ADGRV1: variants seen among roughly 807,000 people sequenced by gnomAD.
ADGRV1 encodes the protein G-protein coupled receptor 98.
A neutral mutation model predicts 596.2 loss-of-function variants in ADGRV1; 359 were observed. That is an observed-to-expected ratio of 0.60 (90% CI 0.55 to 0.66). The LOEUF (loss-of-function observed/expected upper bound fraction) is 0.66. ADGRV1 is among the 30% of genes least tolerant of loss of function. The pLI, the probability that ADGRV1 is intolerant of heterozygous loss-of-function variation, is 0.00. For synonymous variants in ADGRV1, 2,681 were observed against 2,679.2 expected (o/e 1.00, Z -0.02); for missense variants, 7,274 against 7,575.6 (o/e 0.96, Z 1.48).
rs749665592 is a variant in ADGRV1 at position 90,823,474 on chromosome 5, G to T, written c.16246G>T (p.Val5416Phe). Residue 5416 changes from valine (V) to phenylalanine (F), a missense_variant, in exon 76 of 90, where the codon GTC becomes TTC. This residue lies in a region of ADGRV1 where 1,874 missense variants were observed against 1,970.2 expected (regional missense o/e 0.95). Coordinates refer to ENST00000405460, the MANE Select transcript of ADGRV1 (RefSeq NM_032119.4). ...VFWRVTLNKT[V>F]VVLQKDGVNL... The stretch of plus-strand genomic sequence containing the variant: ...TTGGCGAGTCACACTTAACAAAACA[G>T]TCGTCGTGCTCCAGAAGGATGGGGT... The T allele has an allele frequency of 6.2e-6, 10 of 1,613,942 alleles. No individual in the cohort carries two copies. The highest frequency in any genetic ancestry group is 3.3e-4 in the Middle Eastern group (2 of 6,060).
intron 79 of ADGRV1, among the ~76,000 whole-genome samples, chr5:90,849,465 C>T (rs1021993743): frequency 6.6e-6 from 1 of 152,160 alleles, no homozygotes; most frequent in African/African-American, 2.4e-5. Context: ...TCTCGGCTCA[C>T]TTCAACCTCC....
At position 90,759,407 on chromosome 5, in the gene ADGRV1, A is replaced by G; in HGVS notation, c.11941-2A>G. ...TTCTCCCTTCCTTCCTTTCTTTCATAGGTTACTGCAATGATAGAAATCACC... is the reference window on the plus strand; with the variant it reads ...TTCTCCCTTCCTTCCTTTCTTTCATGGGTTACTGCAATGATAGAAATCACC... On this transcript the variant is annotated splice_acceptor_variant, in intron 57 of 89. Coordinates refer to ENST00000405460, the MANE Select transcript of ADGRV1 (RefSeq NM_032119.4). LOFTEE classifies it high-confidence loss of function. 1 of 1,542,600 alleles carries G rather than the reference A, an allele frequency of 6.5e-7. No individual in the cohort carries two copies. The highest frequency in any genetic ancestry group is 8.8e-7 in the Non-Finnish European group (1 of 1,137,798).
intron 83 of ADGRV1, among the ~76,000 whole-genome samples, chr5:90,897,184 T>G (rs998570484): frequency 6.6e-6 from 1 of 152,238 alleles, no homozygotes; most frequent in South Asian, 2.1e-4. Flanking sequence ...GTTTAGCACA[T>G]TGAATATATA....
intron 1 of ADGRV1, among the ~76,000 whole-genome samples, chr5:90,560,451 G>A (rs1294669271): frequency 6.6e-6 from 1 of 152,026 alleles, no homozygotes; most frequent in East Asian, 1.9e-4. Context: ...TTGAATAGTA[G>A]TATATCCCAA....
At chr5:90,767,902 G>A (rs115958704) in intron 59 of ADGRV1, among the ~76,000 whole-genome samples, 147 of 152,202 alleles carry the variant, frequency 9.7e-4, no homozygotes, top group African/African-American at 3.4e-3. Context: ...AATATCATCC[G>A]TTTACTTCTC....
intron 83 of ADGRV1, among the ~76,000 whole-genome samples, chr5:90,961,721 C>T (rs1161885642): frequency 6.6e-6 from 1 of 152,058 alleles, no homozygotes; most frequent in African/African-American, 2.4e-5. Flanking sequence ...TCTTCATTTC[C>T]TTCGTTGGCT....
At position 90,784,440 on chromosome 5, in the gene ADGRV1, A is replaced by T. The variant is rs117969193; in HGVS notation, c.13653+383A>T. Among the ~76,000 whole-genome samples, 4 of 152,338 alleles carry T rather than the reference A, an allele frequency of 2.6e-5. No individual in the cohort carries two copies. In the East Asian group the frequency reaches 7.7e-4, roughly 29 times the overall value. ...TATTAAGCAGAGCTGAGCAATAAAC[A>T]ACTAAAAATAAATTGATCTGATAAC... On this transcript the variant is annotated intron_variant, in intron 67 of 89. Coordinates refer to ENST00000405460, the MANE Select transcript of ADGRV1 (RefSeq NM_032119.4).
intron 73 of ADGRV1, among the ~76,000 whole-genome samples, chr5:90,808,778 C>G (rs1327847047): frequency 6.6e-6 from 1 of 152,034 alleles, no homozygotes; most frequent in Non-Finnish European, 1.5e-5. Context: ...TGCCTGTAGT[C>G]CCAGCTACTT....
intron 87 of ADGRV1, among the ~76,000 whole-genome samples, chr5:91,147,972 C>A (rs1795697746): frequency 6.6e-6 from 1 of 152,152 alleles, no homozygotes; most frequent in Non-Finnish European, 1.5e-5. Context: ...TTGTTGGGAA[C>A]TGGAGTAAAG....
At chr5:90,800,642 C>A (rs1411462425) in intron 70 of ADGRV1, among the ~76,000 whole-genome samples, 1 of 152,112 alleles carries the variant, frequency 6.6e-6, no homozygotes, top group Non-Finnish European at 1.5e-5. Flanking sequence ...TATTGTGGAA[C>A]TATTCACAAT....
intron 1 of ADGRV1, among the ~76,000 whole-genome samples, chr5:90,581,639 C>A (rs1758071670): frequency 6.6e-6 from 1 of 152,172 alleles, no homozygotes; most frequent in Admixed American, 6.5e-5. Context: ...GGGCACCTGC[C>A]TGTATGAGGT....
chr5:90,812,738 T>C (rs1762548559), intron 74 of ADGRV1, among the ~76,000 whole-genome samples: 1 of 152,194 alleles, frequency 6.6e-6, no homozygotes, highest in Non-Finnish European at 1.5e-5. Context: ...TTCCTGTTTC[T>C]ACAGTTTATG....
intron 83 of ADGRV1, among the ~76,000 whole-genome samples, chr5:90,953,302 C>CTAT (rs1777203925): frequency 6.6e-6 from 1 of 152,086 alleles, no homozygotes; most frequent in Admixed American, 6.6e-5. Flanking sequence ...CATTATAAGA[C>CTAT]TATTATAGGG....
chr5:91,108,514 G>A (rs892668113), intron 87 of ADGRV1, among the ~76,000 whole-genome samples: 11 of 152,114 alleles, frequency 7.2e-5, no homozygotes, highest in Non-Finnish European at 1.5e-4. Flanking sequence ...ATCATTTTAA[G>A]TTTTTTAAAA....
rs901382229 is a variant in ADGRV1, at chr5:90,624,137, T to C, written c.559-993T>C. On this transcript the variant is annotated intron_variant, in intron 5 of 89. Transcript: ENST00000405460. ...CATGCTTGTGGGTGTCCACATCATA[T>C]GGTAGTTATGTTAACTACACAGAAC... is the stretch of plus-strand genomic sequence containing the variant. Among the ~76,000 whole-genome samples the C allele has an allele frequency of 6.6e-5, 10 of 152,200 alleles. No individual in the cohort carries two copies. The East Asian group carries it at 1.9e-3, about 29-fold the overall frequency.
intron 87 of ADGRV1, among the ~76,000 whole-genome samples, chr5:91,120,602 C>A (rs1562244844): frequency 6.6e-6 from 1 of 152,034 alleles, no homozygotes; most frequent in Admixed American, 6.6e-5. Context: ...CTGGAACAAA[C>A]CCCAGCTCCC....
At chr5:91,044,694 G>T (rs1478006002) in intron 85 of ADGRV1, among the ~76,000 whole-genome samples, 1 of 152,118 alleles carries the variant, frequency 6.6e-6, no homozygotes, top group East Asian at 1.9e-4. Flanking sequence ...AAACAAAAAT[G>T]AATTGACTTT....
intron 84 of ADGRV1, among the ~76,000 whole-genome samples, chr5:90,976,231 T>C (rs923732417): frequency 4.1e-5 from 6 of 147,718 alleles, no homozygotes; most frequent in Non-Finnish European, 7.4e-5. Flanking sequence ...TATATATATA[T>C]ATACACAATG....
intron 83 of ADGRV1, among the ~76,000 whole-genome samples, chr5:90,884,758 T>C (rs951836905): frequency 6.6e-6 from 1 of 152,210 alleles, no homozygotes; most frequent in Non-Finnish European, 1.5e-5. Context: ...AATAATCGTC[T>C]TGATTTAAGG....
Sources: allele counts gnomAD v4.1 joint callset (sites outside exome capture counted in the v4.1 genomes callset), GRCh38; gene constraint gnomAD v4.1.1; regional missense constraint gnomAD v4.1.1; transcripts MANE v1.5; gene names NCBI Gene and HGNC (gene_info 2026-07-23, HGNC 2026-07-21).